The following ADGRL3 variants were observed in gnomAD, a reference collection of about 807,000 sequenced individuals.
ADGRL3 encodes adhesion G protein-coupled receptor L3.
A neutral mutation model predicts 153.5 loss-of-function variants in ADGRL3; 62 were observed. That is an observed-to-expected ratio of 0.40 (90% CI 0.33 to 0.50). The LOEUF (loss-of-function observed/expected upper bound fraction) is 0.50. ADGRL3 is among the 20% of genes least tolerant of loss of function. The pLI is 0.47. For synonymous variants in ADGRL3, 710 were observed against 672.5 expected (o/e 1.06, Z -0.86); for missense variants, 1,641 against 1,859.4 (o/e 0.88, Z 2.16).
intron 25 of ADGRL3, among the ~76,000 whole-genome samples, chr4:62,046,834 T>C (rs1731379506): frequency 6.6e-6 from 1 of 151,962 alleles, no homozygotes; most frequent in South Asian, 2.1e-4. Flanking sequence ...CATCTTATTT[T>C]TTTATCTTAG....
intron 21 of ADGRL3, among the ~76,000 whole-genome samples, chr4:62,014,451 C>T (rs1401994569): frequency 6.6e-6 from 1 of 152,038 alleles, no homozygotes; most frequent in Non-Finnish European, 1.5e-5. Flanking sequence ...AGGAAGTATA[C>T]AAAAATGTCA....
intron 1 of ADGRL3, among the ~76,000 whole-genome samples, chr4:61,356,741 T>C (rs1405389185): frequency 6.6e-6 from 1 of 152,108 alleles, no homozygotes; most frequent in African/African-American, 2.4e-5. Flanking sequence ...CAAAATGGCT[T>C]GGAAATACAG....
chr4:61,726,770 TTAATA>T (rs1487530605), intron 6 of ADGRL3, among the ~76,000 whole-genome samples: 36 of 152,184 alleles, frequency 2.4e-4, no homozygotes, highest in African/African-American at 8.7e-4. Context: ...TATAAATTAT[TTAATA>T]TTTTATTACC....
chr4:61,291,369 T>C (rs1254189854), intron 1 of ADGRL3, among the ~76,000 whole-genome samples: 1 of 151,872 alleles, frequency 6.6e-6, no homozygotes, highest in Non-Finnish European at 1.5e-5. Flanking sequence ...CAATGATTTA[T>C]GTAGCATTTA....
At chr4:61,585,457 C>T (rs2098942486) in intron 4 of ADGRL3, among the ~76,000 whole-genome samples, 1 of 151,884 alleles carries the variant, frequency 6.6e-6, no homozygotes, top group Admixed American at 6.6e-5. Context: ...CATTTTTCAC[C>T]TCCCTGCCTC....
At chr4:61,933,760 A>C (rs2098827240) in intron 13 of ADGRL3, 1 of 152,158 alleles carries the variant, frequency 6.6e-6, no homozygotes, top group African/African-American at 2.4e-5. Flanking sequence ...GCCAGGAGAA[A>C]ACACTGCATT....
At chr4:61,332,758 G>A (rs1315392918) in intron 1 of ADGRL3, among the ~76,000 whole-genome samples, 1 of 152,088 alleles carries the variant, frequency 6.6e-6, no homozygotes, top group Admixed American at 6.6e-5. Flanking sequence ...ATTAGTTCAG[G>A]TAAGTAAATG....
intron 9 of ADGRL3, among the ~76,000 whole-genome samples, chr4:61,820,779 C>A (rs956787981): frequency 5.9e-5 from 9 of 152,106 alleles, no homozygotes; most frequent in Non-Finnish European, 1.2e-4. Context: ...CATGAGAGTT[C>A]TTAGCAGGAC....
chr4:62,014,922 C>T (rs1426066023), intron 21 of ADGRL3, among the ~76,000 whole-genome samples: 1 of 152,112 alleles, frequency 6.6e-6, no homozygotes, highest in Non-Finnish European at 1.5e-5. Context: ...TAACAGATTT[C>T]AGCTTTTCTC....
chr4:61,280,917 G>A (rs2093696794), intron 1 of ADGRL3, among the ~76,000 whole-genome samples: 1 of 152,032 alleles, frequency 6.6e-6, no homozygotes, highest in Non-Finnish European at 1.5e-5. Flanking sequence ...GAACAAGAAA[G>A]ATGAATCAGT....
chr4:62,014,676 A>G lies in ADGRL3; in HGVS notation c.3396-14179A>G, dbSNP rs564807371. On this transcript the variant is annotated intron_variant, in intron 21 of 26. Coordinates refer to ENST00000683033, the MANE Select transcript of ADGRL3 (RefSeq NM_001387552.1). ...CAAATTCCAGAAAATACTGTTATAC[A>G]TAAATCTTGAGAATCATGGCTCAAG... Among the ~76,000 whole-genome samples the G allele has an allele frequency of 7.2e-5, 11 of 152,312 alleles. No homozygotes were observed. The South Asian group carries it at 1.7e-3, about 23-fold the overall frequency.
intron 1 of ADGRL3, among the ~76,000 whole-genome samples, chr4:61,281,775 C>A (rs2093732942): frequency 6.6e-6 from 1 of 151,986 alleles, no homozygotes. Context: ...TATTCTATTT[C>A]TTTTATTTAG....
At chr4:61,399,715 G>A (rs750283402) in intron 2 of ADGRL3, among the ~76,000 whole-genome samples, 7 of 151,630 alleles carry the variant, frequency 4.6e-5, no homozygotes, top group Non-Finnish European at 1.0e-4. Flanking sequence ...AATTGAGAGT[G>A]TTGGACTTAA....
At chr4:61,355,725 C>A (rs1233559682) in intron 1 of ADGRL3, among the ~76,000 whole-genome samples, 1 of 152,104 alleles carries the variant, frequency 6.6e-6, no homozygotes, top group Non-Finnish European at 1.5e-5. Context: ...TTGAACATTT[C>A]ACCTCTTGGT....
intron 9 of ADGRL3, among the ~76,000 whole-genome samples, chr4:61,823,258 TG>T (rs1675762410): frequency 6.6e-6 from 1 of 152,216 alleles, no homozygotes; most frequent in Non-Finnish European, 1.5e-5. Flanking sequence ...TGTGTTTTTT[TG>T]TTCTGAAAAA....
At chr4:61,988,125 T>A (rs1009306253) in intron 19 of ADGRL3, among the ~76,000 whole-genome samples, 11 of 152,142 alleles carry the variant, frequency 7.2e-5, no homozygotes, top group South Asian at 4.1e-4. Flanking sequence ...TTTATTATTA[T>A]GTATAAAACA....
intron 1 of ADGRL3, among the ~76,000 whole-genome samples, chr4:61,216,484 C>T (rs1326461644): frequency 2.0e-5 from 3 of 151,924 alleles, no homozygotes; most frequent in Non-Finnish European, 4.4e-5. Flanking sequence ...GAAGTGTATA[C>T]CTTGAGTGTA....
chr4:62,064,562 A>G (rs1302031193), intron 25 of ADGRL3, among the ~76,000 whole-genome samples: 1 of 152,092 alleles, frequency 6.6e-6, no homozygotes. Flanking sequence ...ATTCACAATT[A>G]CAAAGAGACT....
intron 2 of ADGRL3, among the ~76,000 whole-genome samples, chr4:61,394,972 T>G (rs949933231): frequency 6.6e-6 from 1 of 152,164 alleles, no homozygotes; most frequent in East Asian, 1.9e-4. Flanking sequence ...AACTAAATAA[T>G]GAAGAAACTA....
Sources: gnomAD v4.1 joint callset for allele counts (sites outside exome capture counted in the v4.1 genomes callset) on GRCh38, gnomAD v4.1.1 for gene constraint, MANE v1.5 for transcripts, NCBI Gene and HGNC (gene_info 2026-07-23, HGNC 2026-07-21) for gene names.